NPIPB2: variants seen among roughly 807,000 people sequenced by gnomAD.
The protein encoded by NPIPB2 is nuclear pore complex-interacting protein family member B2.
NPIPB2 carries 27 observed loss-of-function variants against 30.8 expected under a neutral mutation model. The observed-to-expected ratio is 0.88, with a 90% CI of 0.65 to 1.21. The LOEUF (loss-of-function observed/expected upper bound fraction) is 1.21. NPIPB2 is among the 50% of genes most tolerant of loss of function. The pLI, the probability that NPIPB2 is intolerant of heterozygous loss-of-function variation, is 0.00. For missense variants in NPIPB2, 440 were observed against 446.2 expected (o/e 0.99, Z 0.13); for synonymous variants, 147 against 162.0 (o/e 0.91, Z 0.70).
In NPIPB2 at chr16:11,947,260, G is replaced by GGT. The variant is rs762637486; in HGVS notation, c.-583-5148_-583-5147dup. Among the ~76,000 whole-genome samples the GGT allele has an allele frequency of 9.0e-4, 129 of 143,276 alleles. 2 individuals carry two copies. The East Asian group carries it at 0.014, about 16-fold the overall frequency. The allele number at this position is 143,276 out of a possible 152,430, so 94.0% of individuals were successfully genotyped here. A position where few individuals can be genotyped will look rare whatever the true frequency, so the allele number is the denominator to read the frequency against. On this transcript the variant is annotated intron_variant, in intron 1 of 5. Transcript: ENST00000538896. ...CACCATGCCCAGCCAATGGTTGAAT[G>GGT]GTGTGTGTGTGTGTGTACATAGGTA...
At chr16:11,946,539 C>A (rs2055012004), upstream of NPIPB2, among the ~76,000 whole-genome samples, 1 of 151,960 alleles carries the variant, frequency 6.6e-6, no homozygotes, top group Admixed American at 6.6e-5. Context: ...TGCCACTGTA[C>A]TCCAGCCTGG....
intron 1 of NPIPB2, among the ~76,000 whole-genome samples, chr16:11,976,391 A>G (rs531067937): frequency 6.6e-6 from 1 of 152,202 alleles, no homozygotes; most frequent in African/African-American, 2.4e-5. Context: ...GCCCTCCGGG[A>G]TTGCCCATCC....
chr16:11,937,575 T>C (rs1219237013), exon 2 of NPIPB2: 12 of 1,599,384 alleles, frequency 7.5e-6, no homozygotes, highest in Non-Finnish European at 1.0e-5. Flanking sequence ...AGGACAACTT[T>C]ATAACTTCTC....
chr16:11,949,907 G>C (rs1369155853), intron 1 of NPIPB2, among the ~76,000 whole-genome samples: 1 of 152,204 alleles, frequency 6.6e-6, no homozygotes, highest in Non-Finnish European at 1.5e-5. Context: ...CTGCTTTGGA[G>C]ATACAGTATA....
At chr16:11,947,887 G>A (rs373225308) in intron 1 of NPIPB2, among the ~76,000 whole-genome samples, 1 of 150,962 alleles carries the variant, frequency 6.6e-6, no homozygotes, top group South Asian at 2.1e-4. Context: ...TGCCCGTGAA[G>A]CATGTGGGCT....
chr16:11,953,915 A>G (rs1235062942), intron 1 of NPIPB2, among the ~76,000 whole-genome samples: 1 of 151,564 alleles, frequency 6.6e-6, no homozygotes, highest in Non-Finnish European at 1.5e-5. Context: ...ACCTCAAGTG[A>G]TTTGCCCGCC....
chr16:11,940,873 T>C (rs2150918235), intron 1 of NPIPB2, among the ~76,000 whole-genome samples: 1 of 146,106 alleles, frequency 6.8e-6, no homozygotes, highest in East Asian at 2.2e-4. Flanking sequence ...AGCGGGGCCA[T>C]CTCGGCTCAC....
At chr16:11,961,498 G>A (rs2055152495) in intron 1 of NPIPB2, among the ~76,000 whole-genome samples, 1 of 152,132 alleles carries the variant, frequency 6.6e-6, no homozygotes, top group Admixed American at 6.6e-5. Context: ...TACAAAAAGA[G>A]GCCAGGCGCA....
chr16:11,944,396 A>G (rs1041268592), upstream of NPIPB2, among the ~76,000 whole-genome samples: 1 of 151,702 alleles, frequency 6.6e-6, no homozygotes, highest in African/African-American at 2.4e-5. Context: ...CAAACTCCTG[A>G]CCTCGTGTGA....
At chr16:11,930,407 A>G (rs2054775371) in intron 5 of NPIPB2, 43 bp downstream of exon 5, 2 of 1,506,932 alleles carry the variant, frequency 1.3e-6, no homozygotes, top group Non-Finnish European at 1.8e-6. Context: ...CAACACTCCA[A>G]TGGGCGTTTC....
intron 1 of NPIPB2, among the ~76,000 whole-genome samples, chr16:11,972,102 C>T (rs982795877): frequency 4.6e-5 from 7 of 151,868 alleles, no homozygotes; most frequent in South Asian, 2.1e-4. Flanking sequence ...GCTGAGATCA[C>T]GCTATTGCAC....
intron 2 of NPIPB2, among the ~76,000 whole-genome samples, chr16:11,934,560 A>C (rs2054839325): frequency 6.7e-6 from 1 of 148,386 alleles, no homozygotes; most frequent in Non-Finnish European, 1.5e-5. Flanking sequence ...TCTCAAAAAA[A>C]AAAAAAAAAA....
chr16:11,943,296 G>A (rs2054963242), upstream of NPIPB2, among the ~76,000 whole-genome samples: 1 of 152,198 alleles, frequency 6.6e-6, no homozygotes, highest in Non-Finnish European at 1.5e-5. Flanking sequence ...TCCAGCCTAG[G>A]CGACAGAGCG....
At chr16:11,947,314 TTATTTATTTATA>T (rs1490852419) in intron 1 of NPIPB2, among the ~76,000 whole-genome samples, 3 of 71,214 alleles carry the variant, frequency 4.2e-5, no homozygotes, top group Admixed American at 1.4e-4. Flanking sequence ...ATTTATTTAT[TTATTTATTTATA>T]TATATATATA....
At chr16:11,943,740 T>G (rs896580185), upstream of NPIPB2, among the ~76,000 whole-genome samples, 1 of 150,138 alleles carries the variant, frequency 6.7e-6, no homozygotes, top group African/African-American at 2.5e-5. Context: ...GGCTCATGCC[T>G]GTAATCCCAG....
upstream of NPIPB2, among the ~76,000 whole-genome samples, chr16:11,946,985 G>A (rs1424664866): frequency 6.7e-6 from 1 of 148,954 alleles, no homozygotes; most frequent in African/African-American, 2.5e-5. Context: ...ATCTCCCAAA[G>A]TGCTGGGATT....
rs1336133558 is a variant in NPIPB2, at chr16:11,951,473, AAAAAG to A, written c.-583-9364_-583-9360del. Among the ~76,000 whole-genome samples, 80 of 149,874 alleles carry A rather than the reference AAAAAG, an allele frequency of 5.3e-4. 6 individuals are homozygous for A. In the South Asian group the frequency reaches 0.012, roughly 23 times the overall value. On this transcript the variant is annotated intron_variant, in intron 1 of 5. Transcript: ENST00000538896. ...ACAAGACTGTCTCAAAAAAAAAAAA[AAAAAG>A]AAAGAAAAGAAAAATTAACATTACT...
In NPIPB2 at chr16:11,965,346, T is replaced by C. The variant is rs751325020; in HGVS notation, c.-584+11222A>G. 7 of 1,614,146 alleles carry C rather than the reference T, an allele frequency of 4.3e-6. No individual in the cohort carries two copies. In the East Asian group the frequency reaches 1.6e-4, roughly 36 times the overall value. On this transcript the variant is annotated intron_variant, in intron 1 of 5. Coordinates refer to the NPIPB2 transcript ENST00000538896. ...GATCATGTTGCAGATGGCTGGGCAGTGCTCCCAAAATGAATATTTTGACAG... is the reference window on the plus strand; with the variant it reads ...GATCATGTTGCAGATGGCTGGGCAGCGCTCCCAAAATGAATATTTTGACAG...
chr16:11,960,235 T>A (rs574378369), intron 1 of NPIPB2, among the ~76,000 whole-genome samples: 1 of 152,168 alleles, frequency 6.6e-6, no homozygotes, highest in African/African-American at 2.4e-5. Context: ...GTAAACTACA[T>A]TGTACCTGAG....
Sources: allele counts gnomAD v4.1 joint callset (sites outside exome capture counted in the v4.1 genomes callset), GRCh38; gene constraint gnomAD v4.1.1; transcripts MANE v1.5; gene names NCBI Gene and HGNC (gene_info 2026-07-23, HGNC 2026-07-21).